PAK5: variants seen among roughly 807,000 people sequenced by gnomAD.
PAK5 encodes the protein serine/threonine-protein kinase PAK 5.
A neutral mutation model predicts 65.9 loss-of-function variants in PAK5; 16 were observed. The observed-to-expected ratio is 0.24, with a 90% confidence interval of 0.16 to 0.37. The LOEUF is 0.37. Ranked by LOEUF, PAK5 falls within the 10% of genes least tolerant of loss-of-function variation. The pLI is 1.00. For synonymous variants in PAK5, 371 were observed against 354.9 expected (o/e 1.05, Z -0.51); for missense variants, 785 against 903.9 (o/e 0.87, Z 1.69).
intron 7 of PAK5, among the ~76,000 whole-genome samples, chr20:9,551,427 G>A (rs2122926705): frequency 6.6e-6 from 1 of 152,270 alleles, no homozygotes; most frequent in South Asian, 2.1e-4. Context: ...TTAGAACTCA[G>A]ACAAAGCTGC....
At chr20:9,668,549 G>A (rs1381222897) in intron 2 of PAK5, among the ~76,000 whole-genome samples, 1 of 152,208 alleles carries the variant, frequency 6.6e-6, no homozygotes, top group African/African-American at 2.4e-5. Context: ...GATTAGGTAA[G>A]GGAGTCAACA....
At chr20:9,698,396 A>T (rs576831918) in intron 2 of PAK5, among the ~76,000 whole-genome samples, 1 of 152,264 alleles carries the variant, frequency 6.6e-6, no homozygotes, top group South Asian at 2.1e-4. Context: ...TTTCTATTGT[A>T]ACTGTATAGC....
chr20:9,626,836 G>T (rs1027686827), intron 3 of PAK5, among the ~76,000 whole-genome samples: 1 of 151,672 alleles, frequency 6.6e-6, no homozygotes, highest in South Asian at 2.1e-4. Context: ...AGAAACTTTG[G>T]TAACCCCTGA....
intron 1 of PAK5, among the ~76,000 whole-genome samples, chr20:9,730,226 TATAAATTA>T (rs1442512836): frequency 6.6e-6 from 1 of 151,952 alleles, no homozygotes; most frequent in Non-Finnish European, 1.5e-5. Context: ...AGTGACAACC[TATAAATTA>T]AAATACTTAA....
chr20:9,593,520 G>C (rs1450579655), intron 3 of PAK5, among the ~76,000 whole-genome samples: 1 of 151,958 alleles, frequency 6.6e-6, no homozygotes, highest in Admixed American at 6.6e-5. Context: ...TTACATCTAG[G>C]TTTTAAGCCC....
At chr20:9,557,013 C>T (rs569076161) in intron 7 of PAK5, among the ~76,000 whole-genome samples, 4 of 152,232 alleles carry the variant, frequency 2.6e-5, no homozygotes, top group South Asian at 2.1e-4. Flanking sequence ...CAGGCAGCTC[C>T]GAAATCTATA....
At chr20:9,663,581 TTGATCC>T (rs1158233383) in intron 2 of PAK5, among the ~76,000 whole-genome samples, 1 of 152,210 alleles carries the variant, frequency 6.6e-6, no homozygotes, top group Non-Finnish European at 1.5e-5. Flanking sequence ...AAGGGGCTTA[TTGATCC>T]TACTTTCAGT....
chr20:9,830,698 A>T (rs1352312528), intron 1 of PAK5, among the ~76,000 whole-genome samples: 1 of 152,194 alleles, frequency 6.6e-6, no homozygotes, highest in African/African-American at 2.4e-5. Flanking sequence ...CTGAAAATCC[A>T]CACTCTTCCC....
rs113997906 is a variant in PAK5, at chr20:9,806,853, T to A, written c.-162+31909A>T. Among the ~76,000 whole-genome samples the A allele has an allele frequency of 6.6e-3, 999 of 152,314 alleles. 10 individuals are homozygous for A. The highest frequency in any genetic ancestry group is 0.023 in the African/African-American group (961 of 41,568). ...ACATAAATTTATTATTTTATAGTTC[T>A]GGATGTCAGAAGTACAGAATGGGTC... On this transcript the variant is annotated intron_variant, in intron 1 of 9. Transcript: ENST00000353224.
rs151114302 is a variant in PAK5, at chr20:9,615,221, C to T, written c.204+28904G>A. Among the ~76,000 whole-genome samples the T allele has an allele frequency of 8.8e-3, 1,333 of 152,140 alleles. 63 individuals are homozygous for T. Among genetic ancestry groups the T allele is most frequent in the Admixed American group, 0.064 (978 of 15,282 alleles). ...GAGCACAGAGGATTTTTTAGGGCAGCGATTCTTTATGATATGACAATGGTA... is the reference window on the plus strand; with the variant it reads ...GAGCACAGAGGATTTTTTAGGGCAGTGATTCTTTATGATATGACAATGGTA... On this transcript the variant is annotated intron_variant, in intron 3 of 9. Coordinates refer to ENST00000353224, the MANE Select transcript of PAK5 (RefSeq NM_177990.4).
chr20:9,827,287 A>T (rs1469340489), intron 1 of PAK5, among the ~76,000 whole-genome samples: 1 of 152,206 alleles, frequency 6.6e-6, no homozygotes, highest in African/African-American at 2.4e-5. Flanking sequence ...ATTGCCTTGG[A>T]TTCAGATGAT....
rs538269272 is a variant in PAK5 at position 9,557,551 on chromosome 20, C to T, written c.1743+57G>A. On this transcript the variant is annotated intron_variant, in intron 7 of 9. Coordinates refer to ENST00000353224, the MANE Select transcript of PAK5 (RefSeq NM_177990.4). ...AAAAGTGTTTCTAAAAGAGTTATGC[C>T]CATGACAGACAGAGTGACAAGAAAA... The T allele has an allele frequency of 5.4e-6, 8 of 1,483,968 alleles. No homozygotes were observed. The African/African-American group carries it at 8.5e-5, about 16-fold the overall frequency. The allele number at this position is 1,483,968 out of a possible 1,614,324, so 91.9% of individuals were successfully genotyped here. A position where few individuals can be genotyped will look rare whatever the true frequency, so the allele number is the denominator to read the frequency against.
chr20:9,691,688 C>T (rs2047799660), intron 2 of PAK5, among the ~76,000 whole-genome samples: 1 of 152,094 alleles, frequency 6.6e-6, no homozygotes, highest in Non-Finnish European at 1.5e-5. Flanking sequence ...TAGTCTATTA[C>T]TATTATTTAC....
At chr20:9,723,812 C>T (rs897355614) in intron 1 of PAK5, among the ~76,000 whole-genome samples, 3 of 151,866 alleles carry the variant, frequency 2.0e-5, no homozygotes, top group African/African-American at 7.3e-5. Flanking sequence ...TCTAGTCCAC[C>T]CACTGCAGTT....
At chr20:9,633,733 C>T (rs902345708) in intron 3 of PAK5, among the ~76,000 whole-genome samples, 2 of 152,120 alleles carry the variant, frequency 1.3e-5, no homozygotes, top group African/African-American at 4.8e-5. Flanking sequence ...ATATGCGGTC[C>T]CTGTGTGGGT....
At chr20:9,622,570 G>C (rs2046785231) in intron 3 of PAK5, among the ~76,000 whole-genome samples, 1 of 152,216 alleles carries the variant, frequency 6.6e-6, no homozygotes, top group African/African-American at 2.4e-5. Context: ...AGTGTCTGTT[G>C]ACTGTTGGGA....
At chr20:9,639,583 G>A (rs2047024857) in intron 3 of PAK5, among the ~76,000 whole-genome samples, 1 of 152,202 alleles carries the variant, frequency 6.6e-6, no homozygotes, top group African/African-American at 2.4e-5. Flanking sequence ...CAGAAATCCA[G>A]AACCTGCTCT....
intron 2 of PAK5, among the ~76,000 whole-genome samples, chr20:9,648,108 G>A (rs183660066): frequency 1.4e-4 from 22 of 152,294 alleles, no homozygotes; most frequent in Admixed American, 5.9e-4. Context: ...GGGTCCCAAA[G>A]ACCACCCCCA....
rs1231340013 is a variant in PAK5, at chr20:9,539,390, TG to T, written c.*71del. On this transcript the variant is annotated 3_prime_UTR_variant, in exon 10 of 10. Transcript: ENST00000353224. ...GAATGCACAGGCCTTTTGCATGTTCTGTGTTTCCTTTTGTTCTCCTGAATTA... is the reference window on the plus strand; with the variant it reads ...GAATGCACAGGCCTTTTGCATGTTCTTGTTTCCTTTTGTTCTCCTGAATTA... 6.8e-7 allele frequency: 1 copy of T among 1,468,996 alleles called. No individual in the cohort carries two copies. The highest frequency in any genetic ancestry group is 1.7e-5 in the Admixed American group (1 of 58,352). 91.0% of individuals were successfully genotyped at this position (1,468,996 alleles called of 1,614,324 possible). A position where few individuals can be genotyped will look rare whatever the true frequency, so the allele number is the denominator to read the frequency against.
Sources: gnomAD v4.1 joint callset for allele counts (sites outside exome capture counted in the v4.1 genomes callset) on GRCh38, gnomAD v4.1.1 for gene constraint, MANE v1.5 for transcripts, NCBI Gene and HGNC (gene_info 2026-07-23, HGNC 2026-07-21) for gene names.